Variants in GPC5 observed in about 807,000 individuals in gnomAD.
The protein encoded by GPC5 is glypican 5.
Under a neutral mutation model 53.9 loss-of-function variants are expected in GPC5, and 47 were observed. The ratio of observed to expected loss-of-function variants is 0.87; its 90% CI spans 0.69 to 1.11. The LOEUF is 1.11. GPC5 is among the 50% of genes most tolerant of loss of function. The pLI is 0.00. For missense variants in GPC5, 748 were observed against 713.1 expected, an observed-to-expected ratio of 1.05 and a Z score of -0.56; for synonymous variants, 286 against 263.3, an observed-to-expected ratio of 1.09 and a Z score of -0.84.
Position 92,273,676 on chromosome 13 carries a change from G to A in GPC5, c.1561+128687G>A, listed in dbSNP as rs141066768. 8.5e-3 allele frequency among the ~76,000 whole-genome samples: 1,275 copies of A among 150,832 alleles called. 12 individuals carry two copies. The highest frequency in any genetic ancestry group is 0.014 in the African/African-American group (577 of 41,242). ...AACAATTAAAAATGGCAAAAAAAAT[G>A]GAGTTTGCAATAAAGAAACAATGAT... On this transcript the variant is annotated intron_variant, in intron 7 of 7. Coordinates refer to ENST00000377067, the MANE Select transcript of GPC5 (RefSeq NM_004466.6).
At chr13:92,488,027 A>G (rs1352172874) in intron 7 of GPC5, among the ~76,000 whole-genome samples, 1 of 151,976 alleles carries the variant, frequency 6.6e-6, no homozygotes, top group Non-Finnish European at 1.5e-5. Context: ...CAAACTGTAT[A>G]CTTATAATAT....
intron 7 of GPC5, among the ~76,000 whole-genome samples, chr13:92,169,225 G>A (rs376139029): frequency 8.5e-5 from 13 of 152,132 alleles, no homozygotes; most frequent in African/African-American, 3.1e-4. Flanking sequence ...AATAGCTAAT[G>A]CATGCTGGGC....
At chr13:92,715,602 T>C (rs1888304233) in intron 7 of GPC5, among the ~76,000 whole-genome samples, 1 of 152,210 alleles carries the variant, frequency 6.6e-6, no homozygotes, top group African/African-American at 2.4e-5. Context: ...CATGAGGGGC[T>C]GGACTTGGAT....
chr13:92,084,081 A>G (rs1330199573), intron 6 of GPC5, among the ~76,000 whole-genome samples: 2 of 152,170 alleles, frequency 1.3e-5, no homozygotes, highest in Admixed American at 1.3e-4. Context: ...ATGAGAACAC[A>G]TGGACACAGG....
intron 7 of GPC5, among the ~76,000 whole-genome samples, chr13:92,195,507 A>G (rs920179135): frequency 2.6e-5 from 4 of 152,074 alleles, no homozygotes; most frequent in African/African-American, 9.7e-5. Context: ...TCAAACCCAA[A>G]TTTTTTTGGA....
intron 7 of GPC5, among the ~76,000 whole-genome samples, chr13:92,742,355 A>C (rs1294929838): frequency 6.6e-6 from 1 of 152,002 alleles, no homozygotes; most frequent in East Asian, 1.9e-4. Flanking sequence ...GCATTTTTTC[A>C]TGTGTCTTTT....
intron 7 of GPC5, among the ~76,000 whole-genome samples, chr13:92,469,817 A>G (rs911920145): frequency 2.0e-5 from 3 of 152,150 alleles, no homozygotes; most frequent in African/African-American, 7.2e-5. Flanking sequence ...GGGGTTCCCA[A>G]ATACAAATTT....
At chr13:92,407,373 T>C (rs1031412022) in intron 7 of GPC5, among the ~76,000 whole-genome samples, 1 of 152,222 alleles carries the variant, frequency 6.6e-6, no homozygotes, top group Admixed American at 6.5e-5. Context: ...AGCCCATTGG[T>C]AGCCTCGACA....
At chr13:92,529,435 A>T (rs566844520) in intron 7 of GPC5, among the ~76,000 whole-genome samples, 1 of 152,356 alleles carries the variant, frequency 6.6e-6, no homozygotes, top group African/African-American at 2.4e-5. Flanking sequence ...TATAATAAAC[A>T]TATTTTTACA....
intron 6 of GPC5, among the ~76,000 whole-genome samples, chr13:92,140,079 C>T (rs987723966): frequency 4.0e-5 from 6 of 151,462 alleles, no homozygotes; most frequent in Non-Finnish European, 8.8e-5. Context: ...GAAATATGTG[C>T]GGGATGGAAA....
At chr13:91,681,097 G>C (rs2035498021) in intron 2 of GPC5, among the ~76,000 whole-genome samples, 1 of 152,220 alleles carries the variant, frequency 6.6e-6, no homozygotes, top group Admixed American at 6.5e-5. Flanking sequence ...TTTTAAGAGT[G>C]TAAAGCGTTC....
chr13:91,696,823 G>C lies in GPC5; in HGVS notation c.1020+2942G>C, dbSNP rs143312014. On this transcript the variant is annotated intron_variant, in intron 3 of 7. Transcript: ENST00000377067. The stretch of plus-strand genomic sequence containing the variant: ...ATAATTTTTTAAATTTCATAATTCT[G>C]TGATTTTATTAAGACAAAGTTTGAT... 3.4e-3 allele frequency among the ~76,000 whole-genome samples: 511 copies of C among 152,294 alleles called. 6 individuals carry two copies. The highest frequency in any genetic ancestry group is 0.012 in the African/African-American group (492 of 41,558).
intron 5 of GPC5, among the ~76,000 whole-genome samples, chr13:91,882,319 A>G (rs2039273015): frequency 6.6e-6 from 1 of 152,106 alleles, no homozygotes; most frequent in Non-Finnish European, 1.5e-5. Flanking sequence ...CTTGTATATA[A>G]GTATTGAAAA....
At chr13:92,196,094 T>G (rs1358632597) in intron 7 of GPC5, among the ~76,000 whole-genome samples, 1 of 152,090 alleles carries the variant, frequency 6.6e-6, no homozygotes, top group African/African-American at 2.4e-5. Flanking sequence ...TGCTTTTCAT[T>G]AATATTATCT....
Position 92,866,360 on chromosome 13 carries a change from G to A in GPC5, c.1640G>A (p.Gly547Glu), listed in dbSNP as rs763336539. The A allele has an allele frequency of 1.7e-5, 28 of 1,612,980 alleles. No individual in the cohort carries two copies. The highest frequency in any genetic ancestry group is 2.1e-5 in the Non-Finnish European group (25 of 1,179,332). The change falls in exon 8 of 8, where the codon GGA becomes GAA. Residue 547 changes from glycine to glutamate, a missense_variant. Physicochemically the swap from Gly to Glu is moderately conservative, Grantham distance 98. Transcript: ENST00000377067. ...ACTGGCAGTACTTTAGACACAACAG[G>A]AGCAGGATGTGCAGTGGCGACTGAA... ...TDTGSTLDTTGAGCAVATESM... is the reference protein window; with the variant it reads ...TDTGSTLDTTEAGCAVATESM...
chr13:91,496,539 T>C (rs1280066757), intron 2 of GPC5, among the ~76,000 whole-genome samples: 1 of 152,148 alleles, frequency 6.6e-6, no homozygotes, highest in Non-Finnish European at 1.5e-5. Flanking sequence ...AAGACAAACT[T>C]CGCATTTCCT....
intron 7 of GPC5, among the ~76,000 whole-genome samples, chr13:92,346,789 TA>T (rs538170645): frequency 6.6e-6 from 1 of 151,910 alleles, no homozygotes; most frequent in Non-Finnish European, 1.5e-5. Flanking sequence ...AATATATGGA[TA>T]AAAAAATCAA....
intron 7 of GPC5, among the ~76,000 whole-genome samples, chr13:92,591,329 C>T (rs926886162): frequency 1.1e-4 from 17 of 152,088 alleles, no homozygotes; most frequent in Admixed American, 6.5e-5. Flanking sequence ...GGACCTTGGG[C>T]TTCTGTTGCC....
chr13:91,478,795 T>TTATATATATGTGTATATA (rs1431415864), intron 2 of GPC5, among the ~76,000 whole-genome samples: 1 of 55,394 alleles, frequency 1.8e-5, no homozygotes, highest in African/African-American at 7.0e-5. Context: ...CCATTTGAGT[T>TTATATATATGTGTATATA]TATATATATA....
Sources: allele counts gnomAD v4.1 joint callset (sites outside exome capture counted in the v4.1 genomes callset), GRCh38; gene constraint gnomAD v4.1.1; transcripts MANE v1.5; gene names NCBI Gene and HGNC (gene_info 2026-07-23, HGNC 2026-07-21).